Variants in ADAMTS6 observed in about 807,000 individuals in gnomAD.
ADAMTS6 encodes A disintegrin and metalloproteinase with thrombospondin motifs 6.
In ADAMTS6, 23 loss-of-function variants were observed where a neutral mutation model predicts 144.3. That is an observed-to-expected ratio of 0.16 (90% CI 0.11 to 0.23). The LOEUF (loss-of-function observed/expected upper bound fraction) is 0.23, where lower values mean the gene tolerates loss of function less well. Among genes scored for constraint, ADAMTS6 ranks in the 10% least tolerant of loss-of-function variants. ADAMTS6 has a pLI of 1.00. For synonymous variants in ADAMTS6, 444 were observed against 457.5 expected (o/e 0.97, Z 0.38); for missense variants, 999 against 1,379.6 (o/e 0.72, Z 4.37).
intron 7 of ADAMTS6, among the ~76,000 whole-genome samples, chr5:65,387,915 G>T (rs1210220733): frequency 6.6e-6 from 1 of 152,044 alleles, no homozygotes; most frequent in African/African-American, 2.4e-5. Context: ...ACAAATAATA[G>T]AATTTGTACA....
At chr5:65,275,415 G>A (rs866934485) in intron 11 of ADAMTS6, among the ~76,000 whole-genome samples, 22 of 120,876 alleles carry the variant, frequency 1.8e-4, no homozygotes, top group African/African-American at 2.8e-4. Context: ...AAGAAAGAAA[G>A]AAAAGAAAGA....
At position 65,471,146 on chromosome 5, in the gene ADAMTS6, T is replaced by G; in HGVS notation, c.98-4A>C. On this transcript the variant is annotated splice_polypyrimidine_tract_variant and splice_region_variant and intron_variant, in intron 2 of 24. Coordinates refer to ENST00000381055, the MANE Select transcript of ADAMTS6 (RefSeq NM_197941.4). ...TCAAGATAAGTCAGGAATTCCTCTT[T>G]GTAATCACAAGGCAGAGAATCCAGA... 6.3e-7 allele frequency: 1 copy of G among 1,577,026 alleles called. No individual in the cohort carries two copies. The highest frequency in any genetic ancestry group is 8.5e-7 in the Non-Finnish European group (1 of 1,169,784).
At chr5:65,460,466 A>C in intron 3 of ADAMTS6, 128 bp from the exon 4 acceptor site, 6 of 833,902 alleles carry the variant, frequency 7.2e-6, no homozygotes, top group Non-Finnish European at 1.1e-5. Context: ...TAATAAAAAA[A>C]TTAGCGAATT....
chr5:65,322,568 T>G lies in ADAMTS6; in HGVS notation c.1223+6810A>C, dbSNP rs557345588. Among the ~76,000 whole-genome samples the G allele has an allele frequency of 6.5e-4, 99 of 151,264 alleles. No individual in the cohort carries two copies. The South Asian group carries it at 0.013, about 20-fold the overall frequency. On this transcript the variant is annotated intron_variant, in intron 9 of 24. Transcript: ENST00000381055. ...TTTGAGCAGTGGTATGTAGTTTTTT[T>G]TTTTTTTTTTTGTAGAGATCTTTCA...
chr5:65,321,521 T>C (rs1745608102), intron 9 of ADAMTS6, among the ~76,000 whole-genome samples: 1 of 152,130 alleles, frequency 6.6e-6, no homozygotes, highest in Non-Finnish European at 1.5e-5. Flanking sequence ...TTTCTTTTGC[T>C]GTACAGAAGT....
chr5:65,460,454 GT>G, intron 3 of ADAMTS6, 116 bp from the exon 4 acceptor site: 1 of 924,820 alleles, frequency 1.1e-6, no homozygotes, highest in Non-Finnish European at 1.6e-6. Context: ...GTTAAAACAC[GT>G]TAATAAAAAA....
chr5:65,451,917 A>C (rs548563868), intron 6 of ADAMTS6, among the ~76,000 whole-genome samples: 2 of 152,316 alleles, frequency 1.3e-5, no homozygotes, highest in Non-Finnish European at 2.9e-5. Context: ...CTTATACTGA[A>C]ACATAGCTAA....
intron 7 of ADAMTS6, among the ~76,000 whole-genome samples, chr5:65,335,527 G>T (rs1243002130): frequency 1.3e-5 from 2 of 152,116 alleles, no homozygotes; most frequent in Non-Finnish European, 2.9e-5. Flanking sequence ...ACTTTTCATG[G>T]TAATGCAGAT....
In ADAMTS6 at chr5:65,470,812, G is replaced by A. The variant is rs1263162831; in HGVS notation, c.428C>T (p.Thr143Ile). 1.9e-6 allele frequency: 3 copies of A among 1,605,196 alleles called. No individual in the cohort carries two copies. Among genetic ancestry groups the A allele is most frequent in the Non-Finnish European group, 2.5e-6 (3 of 1,177,608 alleles). The change falls in exon 3 of 25, where the codon ACA becomes ATA. Residue 143 changes from threonine to isoleucine, a missense_variant. Physicochemically the swap from Thr to Ile is moderately conservative, Grantham distance 89. This residue lies in a region of ADAMTS6 where 252 missense variants were observed against 293.7 expected (regional missense o/e 0.86). Coordinates refer to ENST00000381055, the MANE Select transcript of ADAMTS6 (RefSeq NM_197941.4). ...ACAGTTGCTTAAAGCCACTTTAGTT[G>A]TACTACGTTGATCTTGCAAATATCC... ...YTGYLQDQRSTTKVALSNCVG... is the reference protein window; with the variant it reads ...YTGYLQDQRSITKVALSNCVG...
chr5:65,170,975 A>AT (rs1753586577), intron 23 of ADAMTS6, among the ~76,000 whole-genome samples: 1 of 151,520 alleles, frequency 6.6e-6, no homozygotes, highest in Non-Finnish European at 1.5e-5. Flanking sequence ...AAGTGCTGGG[A>AT]TTACAGGCAT....
intron 8 of ADAMTS6, among the ~76,000 whole-genome samples, chr5:65,330,982 C>T (rs897623607): frequency 2.0e-5 from 3 of 151,794 alleles, no homozygotes; most frequent in Non-Finnish European, 4.4e-5. Flanking sequence ...TTTCCAATCT[C>T]CACTGAGAGA....
chr5:65,419,494 GCAT>G (rs1463907372), intron 7 of ADAMTS6, among the ~76,000 whole-genome samples: 5 of 152,010 alleles, frequency 3.3e-5, no homozygotes, highest in Non-Finnish European at 7.4e-5. Flanking sequence ...CCAAACCTCA[GCAT>G]CACACAATAT....
chr5:65,442,449 T>C (rs1302166886), intron 7 of ADAMTS6, among the ~76,000 whole-genome samples: 1 of 152,146 alleles, frequency 6.6e-6, no homozygotes, highest in South Asian at 2.1e-4. Flanking sequence ...GATGGCTTCT[T>C]GTCAATTCTA....
At chr5:65,379,354 A>G (rs1751834237) in intron 7 of ADAMTS6, among the ~76,000 whole-genome samples, 1 of 152,228 alleles carries the variant, frequency 6.6e-6, no homozygotes, top group African/African-American at 2.4e-5. Flanking sequence ...AAAGAGATAC[A>G]TGAAAGTTTG....
chr5:65,438,194 TATA>T (rs1303061502), intron 7 of ADAMTS6, among the ~76,000 whole-genome samples: 16 of 152,198 alleles, frequency 1.1e-4, no homozygotes, highest in African/African-American at 3.9e-4. Flanking sequence ...CAAAATGGAA[TATA>T]ATATTTTACC....
At chr5:65,164,062 A>G (rs1752971533) in intron 24 of ADAMTS6, among the ~76,000 whole-genome samples, 1 of 152,200 alleles carries the variant, frequency 6.6e-6, no homozygotes. Flanking sequence ...TCTGGTCAAC[A>G]GCTCCCAGCG....
intron 7 of ADAMTS6, among the ~76,000 whole-genome samples, chr5:65,342,089 C>G (rs527969868): frequency 3.7e-4 from 56 of 152,080 alleles, no homozygotes; most frequent in African/African-American, 1.2e-3. Flanking sequence ...AGGACAAAAC[C>G]CACATAATCA....
intron 22 of ADAMTS6, among the ~76,000 whole-genome samples, chr5:65,178,188 T>G (rs1393702368): frequency 1.3e-5 from 2 of 152,200 alleles, no homozygotes; most frequent in East Asian, 3.9e-4. Context: ...GGAGTGGCAC[T>G]TGTATTTTAG....
At chr5:65,193,441 G>A (rs2112204840) in intron 21 of ADAMTS6, among the ~76,000 whole-genome samples, 1 of 152,064 alleles carries the variant, frequency 6.6e-6, no homozygotes, top group African/African-American at 2.4e-5. Context: ...CAAAAGAGAA[G>A]TAGTACAAAC....
Sources: allele counts gnomAD v4.1 joint callset (sites outside exome capture counted in the v4.1 genomes callset), GRCh38; gene constraint gnomAD v4.1.1; regional missense constraint gnomAD v4.1.1; transcripts MANE v1.5; gene names NCBI Gene and HGNC (gene_info 2026-07-23, HGNC 2026-07-21).